Variants in GRIN2B observed in about 807,000 individuals in gnomAD.
GRIN2B encodes glutamate ionotropic receptor NMDA type subunit 2B.
A neutral mutation model predicts 114.5 loss-of-function variants in GRIN2B; 5 were observed. The observed-to-expected ratio is 0.04, with a 90% CI of 0.02 to 0.09. The LOEUF is 0.09. Ranked by LOEUF, GRIN2B falls within the 10% of genes least tolerant of loss-of-function variation. GRIN2B has a pLI of 1.00. For synonymous variants in GRIN2B, 787 were observed against 745.1 expected (o/e 1.06, Z -0.92); for missense variants, 1,108 against 1,943.5 (o/e 0.57, Z 8.08).
chr12:13,975,350 A>C (rs1227842475), intron 2 of GRIN2B, among the ~76,000 whole-genome samples: 1 of 152,258 alleles, frequency 6.6e-6, no homozygotes, highest in African/African-American at 2.4e-5. Flanking sequence ...TATACGATAA[A>C]GTTAGAGCAG....
intron 3 of GRIN2B, among the ~76,000 whole-genome samples, chr12:13,802,613 T>C (rs1303875568): frequency 1.3e-5 from 2 of 152,132 alleles, no homozygotes; most frequent in South Asian, 2.1e-4. Context: ...CATGAAGCCA[T>C]AAGAAATTAT....
At chr12:13,900,603 T>C (rs1866431151) in intron 2 of GRIN2B, among the ~76,000 whole-genome samples, 1 of 152,254 alleles carries the variant, frequency 6.6e-6, no homozygotes, top group Middle Eastern at 3.4e-3. Flanking sequence ...GCCCTTCCCA[T>C]ATTATAACCT....
chr12:13,681,115 A>G (rs997456568), intron 4 of GRIN2B, among the ~76,000 whole-genome samples: 2 of 152,156 alleles, frequency 1.3e-5, no homozygotes, highest in Non-Finnish European at 2.9e-5. Context: ...AGGCACTCGA[A>G]GGAGCTCTAC....
intron 4 of GRIN2B, among the ~76,000 whole-genome samples, chr12:13,697,914 T>A (rs1045279471): frequency 6.6e-6 from 1 of 152,218 alleles, no homozygotes; most frequent in Admixed American, 6.5e-5. Context: ...ACACTGCAAC[T>A]TGCACCAAAG....
intron 3 of GRIN2B, among the ~76,000 whole-genome samples, chr12:13,813,887 C>T (rs1270249697): frequency 6.6e-6 from 1 of 152,130 alleles, no homozygotes; most frequent in Non-Finnish European, 1.5e-5. Flanking sequence ...GTTGAACAGC[C>T]TTACTTTTGG....
intron 5 of GRIN2B, among the ~76,000 whole-genome samples, chr12:13,652,376 C>T (rs1449650602): frequency 2.0e-5 from 3 of 151,936 alleles, no homozygotes; most frequent in African/African-American, 7.2e-5. Flanking sequence ...AACACCTAAT[C>T]TGTTTCTAAT....
intron 2 of GRIN2B, among the ~76,000 whole-genome samples, chr12:13,909,509 T>C (rs1866597026): frequency 6.6e-6 from 1 of 152,200 alleles, no homozygotes; most frequent in Non-Finnish European, 1.5e-5. Context: ...AACTTTCTGA[T>C]CAGGCTTATT....
chr12:13,903,705 G>A (rs996187030), intron 2 of GRIN2B, among the ~76,000 whole-genome samples: 8 of 151,942 alleles, frequency 5.3e-5, no homozygotes, highest in Non-Finnish European at 8.8e-5. Flanking sequence ...TTTTACTAGA[G>A]TGTTCTGTAT....
At chr12:13,850,066 G>C (rs1181102993) in intron 3 of GRIN2B, among the ~76,000 whole-genome samples, 1 of 152,148 alleles carries the variant, frequency 6.6e-6, no homozygotes, top group Non-Finnish European at 1.5e-5. Context: ...GGTGCTGAGG[G>C]GGACAATGGA....
rs557897014 is a variant in GRIN2B at position 13,849,816 on chromosome 12, T to C, written c.411+15982A>G. Among the ~76,000 whole-genome samples the C allele has an allele frequency of 2.0e-5, 3 of 152,236 alleles. No individual in the cohort carries two copies. In the East Asian group the frequency reaches 5.8e-4, roughly 29 times the overall value. On this transcript the variant is annotated intron_variant, in intron 3 of 13. Coordinates refer to ENST00000609686, the MANE Select transcript of GRIN2B (RefSeq NM_000834.5). ...CCTCGTGTGCTCTGTGTTGTCCCAGTCATGAGGGGTGGAAACCAAGGGGCT... is the reference window on the plus strand; with the variant it reads ...CCTCGTGTGCTCTGTGTTGTCCCAGCCATGAGGGGTGGAAACCAAGGGGCT...
At chr12:13,593,531 A>G (rs937133344) in intron 10 of GRIN2B, among the ~76,000 whole-genome samples, 3 of 152,224 alleles carry the variant, frequency 2.0e-5, no homozygotes, top group African/African-American at 4.8e-5. Flanking sequence ...CTTACACCTT[A>G]TATAAAAATT....
At chr12:13,900,511 T>C (rs1866429068) in intron 2 of GRIN2B, among the ~76,000 whole-genome samples, 1 of 151,954 alleles carries the variant, frequency 6.6e-6, no homozygotes. Flanking sequence ...TTTATGCACA[T>C]TGTTCCAAAT....
At position 13,615,862 on chromosome 12, in the gene GRIN2B, G is replaced by GAGAT. The variant is rs1305037630; in HGVS notation, c.1329-202_1329-199dup. On this transcript the variant is annotated intron_variant, in intron 6 of 13. Coordinates refer to ENST00000609686, the MANE Select transcript of GRIN2B (RefSeq NM_000834.5). The surrounding 1 kb of genome is among the most constrained non-coding windows in gnomAD (Gnocchi z 5.8). ...AATATTCTCATTATCTCGTCATATT[G>GAGAT]AGATATGTTTCCTCTTAATTTTAAT... Among the ~76,000 whole-genome samples the GAGAT allele has an allele frequency of 6.6e-6, 1 of 152,104 alleles. No individual in the cohort carries two copies. The highest frequency in any genetic ancestry group is 2.4e-5 in the African/African-American group (1 of 41,404).
chr12:13,772,495 T>C (rs930258432), intron 3 of GRIN2B, among the ~76,000 whole-genome samples: 2 of 152,236 alleles, frequency 1.3e-5, no homozygotes, highest in African/African-American at 4.8e-5. Flanking sequence ...CTTGCCCTGA[T>C]TCTTTGGGAT....
At chr12:13,695,542 C>G (rs1229886193) in intron 4 of GRIN2B, among the ~76,000 whole-genome samples, 6 of 151,712 alleles carry the variant, frequency 4.0e-5, no homozygotes, top group African/African-American at 1.5e-4. Context: ...GTGTCAGGTA[C>G]AAAGAAGAGT....
In GRIN2B at chr12:13,538,882, C is replaced by G. The variant is rs1948243998; in HGVS notation, c.*23901G>C. The G allele has an allele frequency of 6.6e-6, 1 of 151,166 alleles. No homozygotes were observed. Among genetic ancestry groups the G allele is most frequent in the Admixed American group, 6.6e-5 (1 of 15,176 alleles). 9.4% of individuals were successfully genotyped at this position (151,166 alleles called of 1,614,324 possible). On this transcript the variant is annotated 3_prime_UTR_variant, in exon 14 of 14. Coordinates refer to ENST00000609686, the MANE Select transcript of GRIN2B (RefSeq NM_000834.5). ...AACAGAAAAATCAGAGCCAAGATTT[C>G]AAGTCTTGTCTTCCCCCTTTTTTTT...
intron 2 of GRIN2B, among the ~76,000 whole-genome samples, chr12:13,879,067 C>T (rs1866032281): frequency 6.6e-6 from 1 of 152,136 alleles, no homozygotes; most frequent in Non-Finnish European, 1.5e-5. Context: ...TCAATTTTTA[C>T]TGACTATACA....
chr12:13,636,608 T>G (rs1949668357), intron 5 of GRIN2B, among the ~76,000 whole-genome samples: 1 of 152,072 alleles, frequency 6.6e-6, no homozygotes, highest in Non-Finnish European at 1.5e-5. Flanking sequence ...GAATTTGATA[T>G]TGGGTTGAGA....
In GRIN2B at chr12:13,727,514, ATGT is replaced by A. The variant is rs1863012663; in HGVS notation, c.1010+25800_1010+25802del. ...CAAATGCTAGCTCTTCCCTCATTAGATGTGACACAGCTTGTTCTTTAACTCTCT... is the reference window on the plus strand; with the variant it reads ...CAAATGCTAGCTCTTCCCTCATTAGAGACACAGCTTGTTCTTTAACTCTCT... On this transcript the variant is annotated intron_variant, in intron 4 of 13. Coordinates refer to ENST00000609686, the MANE Select transcript of GRIN2B (RefSeq NM_000834.5). 3.3e-5 allele frequency among the ~76,000 whole-genome samples: 5 copies of A among 152,320 alleles called. No individual in the cohort carries two copies. In the South Asian group the frequency reaches 1.0e-3, roughly 32 times the overall value.
Sources: gnomAD v4.1 joint callset for allele counts (sites outside exome capture counted in the v4.1 genomes callset) on GRCh38, gnomAD v4.1.1 for gene constraint, Gnocchi (gnomAD v3.1) non-coding constraint, MANE v1.5 for transcripts, NCBI Gene and HGNC (gene_info 2026-07-23, HGNC 2026-07-21) for gene names.